The following RGS6 variants were observed in gnomAD, a reference collection of about 807,000 sequenced individuals.
RGS6 encodes regulator of G-protein signaling 6.
In RGS6, 30 loss-of-function variants were observed where a neutral mutation model predicts 78.5. That is an observed-to-expected ratio of 0.38 (90% CI 0.29 to 0.52). The LOEUF is 0.52. Ranked by LOEUF, RGS6 falls within the 20% of genes least tolerant of loss-of-function variation. The pLI is 0.85. For missense variants in RGS6, 495 were observed against 609.7 expected (o/e 0.81, Z 1.98); for synonymous variants, 206 against 206.0 (o/e 1.00, Z 0.00).
chr14:72,346,110 G>A (rs1417246589), intron 2 of RGS6, among the ~76,000 whole-genome samples: 3 of 152,180 alleles, frequency 2.0e-5, no homozygotes, highest in East Asian at 1.9e-4. Flanking sequence ...GCAAAGTCAA[G>A]ATGAAGTGCT....
intron 3 of RGS6, among the ~76,000 whole-genome samples, chr14:72,426,122 A>G (rs961572217): frequency 1.3e-5 from 2 of 152,192 alleles, no homozygotes; most frequent in Non-Finnish European, 2.9e-5. Context: ...TTGCGAACGT[A>G]TGTTTATGTT....
chr14:72,117,072 A>G (rs1161006670), intron 2 of RGS6, among the ~76,000 whole-genome samples: 2 of 152,064 alleles, frequency 1.3e-5, no homozygotes, highest in African/African-American at 4.8e-5. Flanking sequence ...TTGATTTGAC[A>G]TGCAGGCAGC....
intron 8 of RGS6, among the ~76,000 whole-genome samples, chr14:72,472,172 G>GAAAA (rs5809575): frequency 1.4e-5 from 2 of 141,558 alleles, no homozygotes; most frequent in African/African-American, 5.2e-5. Flanking sequence ...GCTTTTTTAA[G>GAAAA]AAAAAAAAAA....
intron 17 of RGS6, among the ~76,000 whole-genome samples, chr14:72,542,076 T>C (rs2097334458): frequency 6.6e-6 from 1 of 152,034 alleles, no homozygotes. Flanking sequence ...CCTAAGCTCC[T>C]GAGGGTGTGG....
chr14:72,357,924 A>G (rs1424884154), intron 3 of RGS6, among the ~76,000 whole-genome samples: 1 of 152,148 alleles, frequency 6.6e-6, no homozygotes, highest in East Asian at 1.9e-4. Context: ...CCTAAGAGGA[A>G]AAAATGTTTA....
intron 2 of RGS6, among the ~76,000 whole-genome samples, chr14:72,342,323 T>C (rs1196352078): frequency 6.6e-6 from 1 of 152,120 alleles, no homozygotes; most frequent in African/African-American, 2.4e-5. Context: ...CCCAGCACTT[T>C]GGGAGGCCAA....
intron 2 of RGS6, among the ~76,000 whole-genome samples, chr14:72,131,158 C>A (rs777914742): frequency 7.2e-5 from 11 of 152,134 alleles, no homozygotes; most frequent in Non-Finnish European, 1.3e-4. Flanking sequence ...ATTCCTAGTC[C>A]CCTAACTCAA....
At chr14:72,479,349 T>C (rs961620263) in intron 12 of RGS6, among the ~76,000 whole-genome samples, 1 of 152,228 alleles carries the variant, frequency 6.6e-6, no homozygotes, top group Non-Finnish European at 1.5e-5. Context: ...GGTTTCTCGA[T>C]TGTGGCACTA....
chr14:72,202,734 G>A (rs2041840959), intron 2 of RGS6, among the ~76,000 whole-genome samples: 1 of 151,932 alleles, frequency 6.6e-6, no homozygotes, highest in African/African-American at 2.4e-5. Context: ...GGAGGGGAGG[G>A]TCCTGGGGAG....
chr14:72,142,329 G>A (rs1315896375), intron 2 of RGS6, among the ~76,000 whole-genome samples: 2 of 151,788 alleles, frequency 1.3e-5, no homozygotes, highest in African/African-American at 2.4e-5. Context: ...AAAAAAGAGA[G>A]GAGAGAGATG....
the RGS6 span, among the ~76,000 whole-genome samples, chr14:71,892,693 G>A: frequency 3.9e-5 from 6 of 152,158 alleles, no homozygotes; most frequent in African/African-American, 4.8e-5. Flanking sequence ...AATGGAGAAG[G>A]AATACCATGC....
chr14:72,367,531 G>A (rs770173479), intron 3 of RGS6, among the ~76,000 whole-genome samples: 7 of 152,010 alleles, frequency 4.6e-5, no homozygotes, highest in Non-Finnish European at 1.0e-4. Context: ...AAAGAATAGA[G>A]GAATGGATTT....
chr14:72,136,639 G>T (rs1012194134), intron 2 of RGS6, among the ~76,000 whole-genome samples: 1 of 152,108 alleles, frequency 6.6e-6, no homozygotes, highest in African/African-American at 2.4e-5. Context: ...CCTCCCACTG[G>T]GTCCCTCCCA....
intron 15 of RGS6, among the ~76,000 whole-genome samples, chr14:72,528,977 A>G (rs1296645916): frequency 6.6e-6 from 1 of 152,232 alleles, no homozygotes; most frequent in African/African-American, 2.4e-5. Context: ...CATTTGGGAA[A>G]TGGCCAAAGA....
intron 12 of RGS6, among the ~76,000 whole-genome samples, chr14:72,480,944 C>G (rs1408328012): frequency 6.6e-6 from 1 of 152,120 alleles, no homozygotes; most frequent in Admixed American, 6.5e-5. Context: ...AGGCTGGGCT[C>G]TGGGATGTCT....
intron 2 of RGS6, among the ~76,000 whole-genome samples, chr14:72,042,424 C>T (rs962870426): frequency 2.6e-5 from 4 of 152,102 alleles, no homozygotes; most frequent in African/African-American, 9.7e-5. Context: ...CCACCGCACC[C>T]AGCCTCTAAT....
At chr14:72,123,165 C>T (rs2096098966) in intron 2 of RGS6, among the ~76,000 whole-genome samples, 1 of 152,136 alleles carries the variant, frequency 6.6e-6, no homozygotes, top group African/African-American at 2.4e-5. Context: ...CACGGTTTTG[C>T]CATGCTGGCC....
chr14:72,553,780 C>T (rs1028831247), intron 17 of RGS6, among the ~76,000 whole-genome samples: 1 of 152,198 alleles, frequency 6.6e-6, no homozygotes, highest in Admixed American at 6.5e-5. Flanking sequence ...CTGGTGAAAG[C>T]TTCCATAACT....
intron 3 of RGS6, among the ~76,000 whole-genome samples, chr14:72,356,483 A>G (rs566563251): frequency 1.1e-3 from 166 of 152,310 alleles, no homozygotes; most frequent in African/African-American, 3.6e-3. Context: ...TAACAGTGTG[A>G]AAATGGACTA....
Sources: allele counts gnomAD v4.1 joint callset (sites outside exome capture counted in the v4.1 genomes callset), GRCh38; gene constraint gnomAD v4.1.1; transcripts MANE v1.5; gene names NCBI Gene and HGNC (gene_info 2026-07-23, HGNC 2026-07-21).